The following COL19A1 variants were observed in gnomAD, a reference collection of about 807,000 sequenced individuals.
COL19A1 encodes the protein collagen type XIX alpha 1 chain.
A neutral mutation model predicts 190.2 loss-of-function variants in COL19A1; 159 were observed. The ratio of observed to expected loss-of-function variants is 0.84; its 90% confidence interval spans 0.73 to 0.95. The LOEUF (loss-of-function observed/expected upper bound fraction) is 0.95, where lower values mean the gene tolerates loss of function less well. COL19A1 is among the 40% of genes least tolerant of loss of function. The pLI is 0.00. For missense variants in COL19A1, 1,418 were observed against 1,431.9 expected (o/e 0.99, Z 0.16); for synonymous variants, 509 against 458.9 (o/e 1.11, Z -1.39).
intron 14 of COL19A1, among the ~76,000 whole-genome samples, chr6:70,042,406 A>G (rs1236462328): frequency 6.6e-6 from 1 of 152,218 alleles, no homozygotes; most frequent in East Asian, 1.9e-4. Context: ...TAAAATGTGC[A>G]ATTTATATTA....
intron 27 of COL19A1, among the ~76,000 whole-genome samples, chr6:70,147,419 A>G (rs1027146896): frequency 6.6e-6 from 1 of 152,164 alleles, no homozygotes; most frequent in Admixed American, 6.5e-5. Flanking sequence ...AGCCCCTATT[A>G]ATAATGACCA....
chr6:69,890,313 T>A (rs911823638), intron 2 of COL19A1: 1 of 152,204 alleles, frequency 6.6e-6, no homozygotes, highest in African/African-American at 2.4e-5. Flanking sequence ...GATTTAACAC[T>A]TCTAATTTCT....
chr6:69,885,840 G>A (rs1431615822), intron 2 of COL19A1, among the ~76,000 whole-genome samples: 1 of 150,858 alleles, frequency 6.6e-6, no homozygotes, highest in African/African-American at 2.4e-5. Flanking sequence ...TATTCCATTG[G>A]ATAAAATGTC....
At chr6:70,043,760 C>G (rs995765421) in intron 14 of COL19A1, among the ~76,000 whole-genome samples, 1 of 152,264 alleles carries the variant, frequency 6.6e-6, no homozygotes, top group East Asian at 1.9e-4. Context: ...TTTGTCATTC[C>G]GCTTATAGAG....
At chr6:70,162,433 C>A (rs764956237) in intron 35 of COL19A1, among the ~76,000 whole-genome samples, 1 of 152,154 alleles carries the variant, frequency 6.6e-6, no homozygotes, top group Non-Finnish European at 1.5e-5. Flanking sequence ...ACCATCAAAG[C>A]CTTCGTGTCT....
intron 16 of COL19A1, among the ~76,000 whole-genome samples, chr6:70,107,200 T>C (rs1345710591): frequency 1.3e-5 from 2 of 152,160 alleles, no homozygotes; most frequent in African/African-American, 4.8e-5. Flanking sequence ...AAGACAAGCT[T>C]CTAGTTTACA....
intron 11 of COL19A1, among the ~76,000 whole-genome samples, chr6:69,983,023 T>C (rs111315208): frequency 7.3e-6 from 1 of 136,440 alleles, no homozygotes; most frequent in Non-Finnish European, 1.6e-5. Context: ...TAAATAAATA[T>C]AAAATAAAAT....
At chr6:70,134,757 A>G (rs1260156760) in intron 18 of COL19A1, among the ~76,000 whole-genome samples, 2 of 152,106 alleles carry the variant, frequency 1.3e-5, no homozygotes, top group Admixed American at 6.6e-5. Flanking sequence ...CCTAGTATCA[A>G]CTCTCACAGC....
At chr6:69,901,637 A>G (rs1770197207) in intron 4 of COL19A1, among the ~76,000 whole-genome samples, 2 of 152,266 alleles carry the variant, frequency 1.3e-5, no homozygotes, top group South Asian at 4.1e-4. Context: ...TGCATAAGCC[A>G]TAAAGAAAAG....
At chr6:69,869,757 A>G (rs1206990429) in intron 1 of COL19A1, among the ~76,000 whole-genome samples, 1 of 152,348 alleles carries the variant, frequency 6.6e-6, no homozygotes, top group South Asian at 2.1e-4. Flanking sequence ...ATCATAGTTC[A>G]GAGAAGTGAG....
At chr6:70,159,944 T>G (rs1477932665) in intron 34 of COL19A1, among the ~76,000 whole-genome samples, 1 of 152,086 alleles carries the variant, frequency 6.6e-6, no homozygotes, top group African/African-American at 2.4e-5. Context: ...CAAAAGCATA[T>G]TTTAAAATAG....
intron 11 of COL19A1, among the ~76,000 whole-genome samples, chr6:70,018,116 G>C (rs532683626): frequency 1.5e-4 from 23 of 152,018 alleles, no homozygotes; most frequent in Non-Finnish European, 2.8e-4. Context: ...TTCAGAAGAG[G>C]GCCATAATGA....
chr6:69,933,003 C>A, intron 7 of COL19A1, 140 bp downstream of exon 7: 1 of 530,174 alleles, frequency 1.9e-6, no homozygotes, highest in Non-Finnish European at 3.3e-6. Flanking sequence ...AGTAAGGAAG[C>A]ATTCATAGTG....
At chr6:69,938,387 C>G (rs995020604) in intron 9 of COL19A1, among the ~76,000 whole-genome samples, 3 of 152,092 alleles carry the variant, frequency 2.0e-5, no homozygotes, top group Admixed American at 6.6e-5. Flanking sequence ...TATTTTCTAG[C>G]TGTGCCCTAG....
chr6:69,952,117 T>C (rs1397487246), intron 9 of COL19A1, among the ~76,000 whole-genome samples: 1 of 151,894 alleles, frequency 6.6e-6, no homozygotes, highest in Admixed American at 6.6e-5. Flanking sequence ...CTAGGGATTC[T>C]GACTCCCCCA....
chr6:70,148,267 G>A (rs1583026610), intron 27 of COL19A1, among the ~76,000 whole-genome samples: 1 of 151,704 alleles, frequency 6.6e-6, no homozygotes, highest in East Asian at 1.9e-4. Context: ...TCCTATCCAG[G>A]AGCCCACCGA....
chr6:70,072,374 G>T (rs1781611528), intron 15 of COL19A1, among the ~76,000 whole-genome samples: 3 of 152,014 alleles, frequency 2.0e-5, no homozygotes, highest in Admixed American at 2.0e-4. Flanking sequence ...AGTTCCTCTA[G>T]GTCTCTGAAA....
intron 16 of COL19A1, among the ~76,000 whole-genome samples, chr6:70,117,657 G>A (rs138769471): frequency 6.6e-6 from 1 of 152,270 alleles, no homozygotes; most frequent in African/African-American, 2.4e-5. Context: ...AATCAGTACA[G>A]TTAGGTTCAG....
chr6:69,936,643 C>G, intron 7 of COL19A1, 142 bp from the exon 8 acceptor site: 5 of 1,011,792 alleles, frequency 4.9e-6, no homozygotes, highest in Non-Finnish European at 7.3e-6. Context: ...TAAACATTCT[C>G]ACACTGGTGT....
Sources: gnomAD v4.1 joint callset for allele counts (sites outside exome capture counted in the v4.1 genomes callset) on GRCh38, gnomAD v4.1.1 for gene constraint, MANE v1.5 for transcripts, NCBI Gene and HGNC (gene_info 2026-07-23, HGNC 2026-07-21) for gene names.